Variants in UFD1 observed in about 807,000 individuals in gnomAD.
The protein encoded by UFD1 is ubiquitin recognition factor in ER-associated degradation protein 1.
UFD1 carries 13 observed loss-of-function variants against 45.9 expected under a neutral mutation model. That is an observed-to-expected ratio of 0.28 (90% CI 0.18 to 0.45). The LOEUF (loss-of-function observed/expected upper bound fraction) is 0.45, where lower values mean the gene tolerates loss of function less well. UFD1 is among the 20% of genes least tolerant of loss of function. The probability of loss-of-function intolerance (pLI) is 1.00; values close to 1 mark genes in which losing one functional copy is unlikely to be tolerated. For synonymous variants in UFD1, 128 were observed against 139.2 expected, an observed-to-expected ratio of 0.92 and a Z score of 0.56; for missense variants, 218 against 389.2, an observed-to-expected ratio of 0.56 and a Z score of 3.70.
chr22:19,459,487 T>C (rs1425412005), intron 6 of UFD1, among the ~76,000 whole-genome samples: 1 of 151,942 alleles, frequency 6.6e-6, no homozygotes, highest in South Asian at 2.1e-4. Context: ...TGGTGGCAGG[T>C]GCCTGTAGTC....
intron 6 of UFD1, among the ~76,000 whole-genome samples, chr22:19,459,101 G>C (rs1039401737): frequency 6.6e-6 from 1 of 152,202 alleles, no homozygotes; most frequent in Non-Finnish European, 1.5e-5. Flanking sequence ...TACTGAATGT[G>C]TATCATGTTT....
chr22:19,455,977 G>T (rs2089719863), intron 9 of UFD1, among the ~76,000 whole-genome samples: 1 of 152,152 alleles, frequency 6.6e-6, no homozygotes, highest in African/African-American at 2.4e-5. Flanking sequence ...ACAGCCACTT[G>T]GCCAAGGGCA....
intron 1 of UFD1, 135 bp from the exon 2 acceptor site, chr22:19,475,737 T>G (rs1319890352): frequency 8.9e-7 from 1 of 1,128,866 alleles, no homozygotes; most frequent in East Asian, 2.6e-5. Context: ...CAATGTAATC[T>G]TACTAAATAC....
Position 19,479,111 on chromosome 22 carries a change from C to T in UFD1, c.-26G>A, listed in dbSNP as rs893529266. ...GATGGACACCACCTGGCAGACTCCGCTCCTCTCAGGCAATGCAACGAAGAA... is the reference window on the plus strand; with the variant it reads ...GATGGACACCACCTGGCAGACTCCGTTCCTCTCAGGCAATGCAACGAAGAA... On this transcript the variant is annotated 5_prime_UTR_variant, in exon 1 of 12. Transcript: ENST00000263202. The T allele has an allele frequency of 2.5e-6, 4 of 1,610,822 alleles. No homozygotes were observed. In the African/African-American group the frequency reaches 4.0e-5, roughly 16 times the overall value.
chr22:19,470,481 G>A (rs1419480105), intron 4 of UFD1, among the ~76,000 whole-genome samples: 4 of 150,848 alleles, frequency 2.7e-5, no homozygotes, highest in East Asian at 3.9e-4. Context: ...TCGCTCTGTC[G>A]CCCAGGCTGG....
Position 19,460,111 on chromosome 22 carries a change from C to A in UFD1, c.496-1972G>T, listed in dbSNP as rs528682511. ...ATTTAAAAAAAAAACCTAAGCAGGG[C>A]CAAATCTACTTTTAAAAGTGTCATA... On this transcript the variant is annotated intron_variant, in intron 6 of 11. Transcript: ENST00000263202. Among the ~76,000 whole-genome samples the A allele has an allele frequency of 5.3e-5, 8 of 151,954 alleles. No homozygotes were observed. In the South Asian group the frequency reaches 1.2e-3, roughly 24 times the overall value.
intron 11 of UFD1, chr22:19,452,992 T>G: frequency 2.1e-6 from 2 of 967,432 alleles, no homozygotes; most frequent in Non-Finnish European, 1.2e-6. Flanking sequence ...CCTGATGATT[T>G]CTGCTCCTTT....
chr22:19,477,751 T>C (rs1157370688), intron 1 of UFD1, among the ~76,000 whole-genome samples: 2 of 152,120 alleles, frequency 1.3e-5, no homozygotes, highest in Admixed American at 6.5e-5. Context: ...ATATATTTAG[T>C]AGAAGGAATG....
rs933292668 is a variant in UFD1, at chr22:19,454,189, C to T, written c.849+560G>A. 1.6e-5 allele frequency: 16 copies of T among 987,170 alleles called. No individual in the cohort carries two copies. In the African/African-American group the frequency reaches 2.4e-4, roughly 15 times the overall value. 61.2% of individuals were successfully genotyped at this position (987,170 alleles called of 1,614,324 possible). A position where few individuals can be genotyped will look rare whatever the true frequency, so the allele number is the denominator to read the frequency against. On this transcript the variant is annotated intron_variant, in intron 11 of 11. Transcript: ENST00000263202. ...AGAGCAAGACAGAGCTCCTGACCCC[C>T]ATGCTGCAAGTCTTCTGTTTCATAC...
At chr22:19,472,326 C>T (rs1297331735) in intron 3 of UFD1, among the ~76,000 whole-genome samples, 1 of 152,124 alleles carries the variant, frequency 6.6e-6, no homozygotes, top group Non-Finnish European at 1.5e-5. Flanking sequence ...AAGAGGAGCC[C>T]AGGCAGTTCA....
chr22:19,453,437 C>T, intron 11 of UFD1: 1 of 985,450 alleles, frequency 1.0e-6, no homozygotes, highest in Non-Finnish European at 1.2e-6. Context: ...TATGGTCAAA[C>T]AGGCCTGCTG....
chr22:19,458,222 G>C, intron 6 of UFD1, 83 bp from the exon 7 acceptor site: 1 of 1,458,318 alleles, frequency 6.9e-7, no homozygotes, highest in Non-Finnish European at 9.6e-7. Context: ...TGGCTCTACT[G>C]GCTCCTGCGA....
intron 9 of UFD1, 99 bp downstream of exon 9, chr22:19,456,488 C>T: frequency 6.5e-7 from 1 of 1,528,552 alleles, no homozygotes; most frequent in Non-Finnish European, 9.1e-7. Flanking sequence ...CTAACCCCTG[C>T]TGATGTCCAT....
At chr22:19,467,805 A>G (rs998733997) in intron 5 of UFD1, 68 bp downstream of exon 5, 2 of 1,594,090 alleles carry the variant, frequency 1.3e-6, no homozygotes, top group African/African-American at 2.7e-5. Flanking sequence ...AATACAGTAC[A>G]TGATGTTTAA....
At chr22:19,465,124 A>G (rs772701442) in intron 6 of UFD1, 78 bp downstream of exon 6, 23 of 1,376,866 alleles carry the variant, frequency 1.7e-5, no homozygotes, top group Non-Finnish European at 2.2e-5. Context: ...CGCTGCTTAA[A>G]AAGAAGCCCC....
chr22:19,466,733 G>A (rs1601896360), intron 5 of UFD1: 1 of 152,488 alleles, frequency 6.6e-6, no homozygotes, highest in East Asian at 1.9e-4. Context: ...AGGAGGCTGA[G>A]GCAGGAGAAT....
chr22:19,479,003 C>T, intron 1 of UFD1, 80 bp downstream of exon 1: 7 of 1,431,196 alleles, frequency 4.9e-6, no homozygotes, highest in Non-Finnish European at 6.7e-6. Context: ...GCCGCCGTCC[C>T]GCCCCGCCCT....
At chr22:19,477,786 T>A (rs893212784) in intron 1 of UFD1, among the ~76,000 whole-genome samples, 10 of 152,200 alleles carry the variant, frequency 6.6e-5, no homozygotes, top group Non-Finnish European at 1.3e-4. Context: ...AGCAGTTTAC[T>A]AGCAACTCCA....
intron 11 of UFD1, chr22:19,453,592 T>C (rs141462159): frequency 1.0e-6 from 1 of 985,570 alleles, no homozygotes; most frequent in African/African-American, 1.7e-5. Context: ...GAAGCCTGGA[T>C]GGTGCCTGAA....
Sources: gnomAD v4.1 joint callset for allele counts (sites outside exome capture counted in the v4.1 genomes callset) on GRCh38, gnomAD v4.1.1 for gene constraint, MANE v1.5 for transcripts, NCBI Gene and HGNC (gene_info 2026-07-23, HGNC 2026-07-21) for gene names.